Variants in PHF12 observed in about 807,000 individuals in gnomAD.
PHF12 encodes PHD finger protein 12, also known as PHD factor 1.
Under a neutral mutation model 99.8 loss-of-function variants are expected in PHF12, and 6 were observed. That is an observed-to-expected ratio of 0.06 (90% CI 0.03 to 0.12). The LOEUF is 0.12. Ranked by LOEUF, PHF12 falls within the 10% of genes least tolerant of loss-of-function variation. The pLI, the probability that PHF12 is intolerant of heterozygous loss-of-function variation, is 1.00. For synonymous variants in PHF12, 480 were observed against 514.9 expected, an observed-to-expected ratio of 0.93 and a Z score of 0.92; for missense variants, 954 against 1,300.1, an observed-to-expected ratio of 0.73 and a Z score of 4.09.
chr17:28,918,603 C>A (rs905434341), intron 6 of PHF12, among the ~76,000 whole-genome samples: 2 of 152,220 alleles, frequency 1.3e-5, no homozygotes, highest in African/African-American at 4.8e-5. Flanking sequence ...AATCCTCTCC[C>A]ATTCAATCTT....
chr17:28,947,949 TAA>T (rs1378720944), intron 2 of PHF12, among the ~76,000 whole-genome samples: 3 of 152,070 alleles, frequency 2.0e-5, no homozygotes, highest in East Asian at 3.8e-4. Flanking sequence ...CACCAACAGC[TAA>T]AGAGTCCCTC....
At chr17:28,943,772 T>G (rs979483813) in intron 2 of PHF12, among the ~76,000 whole-genome samples, 7 of 147,328 alleles carry the variant, frequency 4.8e-5, no homozygotes, top group African/African-American at 1.5e-4. Flanking sequence ...ATAAATAAAA[T>G]GTCATCCATA....
At chr17:28,914,788 A>G (rs1013161990) in intron 7 of PHF12, among the ~76,000 whole-genome samples, 2 of 152,106 alleles carry the variant, frequency 1.3e-5, no homozygotes, top group African/African-American at 4.8e-5. Flanking sequence ...TGAAACAACT[A>G]AAGACGTCTT....
At chr17:28,913,476 A>G (rs545903525) in intron 8 of PHF12, among the ~76,000 whole-genome samples, 199 bp from the exon 9 acceptor site, 1 of 152,348 alleles carries the variant, frequency 6.6e-6, no homozygotes, top group South Asian at 2.1e-4. Context: ...CAGCAGGCCA[A>G]CACTCCCTCT....
At chr17:28,937,158 T>C (rs1046799700) in intron 2 of PHF12, among the ~76,000 whole-genome samples, 1 of 152,228 alleles carries the variant, frequency 6.6e-6, no homozygotes, top group Non-Finnish European at 1.5e-5. Context: ...AAAGTTGCAT[T>C]AATACACCCA....
intron 2 of PHF12, among the ~76,000 whole-genome samples, chr17:28,941,805 C>T (rs1216388285): frequency 6.6e-6 from 1 of 152,116 alleles, no homozygotes; most frequent in African/African-American, 2.4e-5. Flanking sequence ...TGGGGTTTCA[C>T]CATGTTGGTC....
intron 2 of PHF12, among the ~76,000 whole-genome samples, chr17:28,930,295 CT>C (rs2040371556): frequency 6.6e-6 from 1 of 152,234 alleles, no homozygotes; most frequent in South Asian, 2.1e-4. Flanking sequence ...CCACAGAGCA[CT>C]TCTGCACCAC....
intron 2 of PHF12, among the ~76,000 whole-genome samples, chr17:28,946,055 G>C (rs1331368230): frequency 1.3e-5 from 2 of 152,212 alleles, no homozygotes; most frequent in East Asian, 1.9e-4. Context: ...AGAATTGCTT[G>C]AGCCCGGGAG....
intron 3 of PHF12, chr17:28,926,641 G>C (rs558263322): frequency 8.8e-5 from 49 of 558,014 alleles, no homozygotes; most frequent in Non-Finnish European, 1.2e-4. Context: ...CCTGGGGTGA[G>C]AGAAAACTCC....
chr17:28,940,856 C>T (rs909359621), intron 2 of PHF12, among the ~76,000 whole-genome samples: 29 of 152,120 alleles, frequency 1.9e-4, no homozygotes, highest in Admixed American at 3.3e-4. Context: ...ATACAATGTC[C>T]TCCTCTTTCA....
At chr17:28,943,725 G>C (rs1021581528) in intron 2 of PHF12, among the ~76,000 whole-genome samples, 27 of 152,098 alleles carry the variant, frequency 1.8e-4, no homozygotes, top group Non-Finnish European at 2.4e-4. Context: ...ACACCAAAAA[G>C]TAGAAACTAC....
Position 28,906,159 on chromosome 17 carries a change from C to T in PHF12, c.*24G>A, listed in dbSNP as rs758988216. ...CAGGAGTCTTGGGTGGGTGTACAGG[C>T]CAGTGGCGGGGTAGCCGCCAGTCCT... On this transcript the variant is annotated 3_prime_UTR_variant, in exon 15 of 15. Coordinates refer to ENST00000332830, the MANE Select transcript of PHF12 (RefSeq NM_001033561.2). This position sits in a 1 kb window ranked among gnomAD's most constrained non-coding sequence, Gnocchi z 4.2. 6.4e-7 allele frequency: 1 copy of T among 1,567,360 alleles called. No homozygotes were observed. Among genetic ancestry groups the T allele is most frequent in the African/African-American group, 1.3e-5 (1 of 74,356 alleles).
chr17:28,950,646 A>T lies in PHF12; in HGVS notation c.66+249T>A, dbSNP rs2040793587. The T allele has an allele frequency of 1.1e-5, 6 of 554,896 alleles. No individual in the cohort carries two copies. The South Asian group carries it at 1.3e-4, about 12-fold the overall frequency. The allele number at this position is 554,896 out of a possible 1,614,324, so 34.4% of individuals were successfully genotyped here. A position where few individuals can be genotyped will look rare whatever the true frequency, so the allele number is the denominator to read the frequency against. ...GGGGGTGGGGAGGCCTGCCGGTGCAACGAGATGGAGTGGGCTGGCGCCTCG... is the reference window on the plus strand; with the variant it reads ...GGGGGTGGGGAGGCCTGCCGGTGCATCGAGATGGAGTGGGCTGGCGCCTCG... On this transcript the variant is annotated intron_variant, in intron 1 of 14. Coordinates refer to ENST00000332830, the MANE Select transcript of PHF12 (RefSeq NM_001033561.2). This position sits in a 1 kb window ranked among gnomAD's most constrained non-coding sequence, Gnocchi z 5.7.
chr17:28,951,003 C>A lies in PHF12; in HGVS notation c.-43G>T. 6.2e-7 allele frequency: 1 copy of A among 1,611,616 alleles called. No individual in the cohort carries two copies. The highest frequency in any genetic ancestry group is 1.1e-5 in the South Asian group (1 of 90,768). On this transcript the variant is annotated 5_prime_UTR_variant, in exon 1 of 15. Transcript: ENST00000332830. ...TGGGTGCTCTCTGCTCCGGCCCCCCCAACCCCGGGGGGAGGGGGGAGGTGA... is the reference window on the plus strand; with the variant it reads ...TGGGTGCTCTCTGCTCCGGCCCCCCAAACCCCGGGGGGAGGGGGGAGGTGA...
chr17:28,910,155 G>A (rs779411216), intron 11 of PHF12, 71 bp downstream of exon 11: 4 of 1,601,720 alleles, frequency 2.5e-6, no homozygotes, highest in Middle Eastern at 1.7e-4. Context: ...ATTCTCCATG[G>A]AGGCAAGGTG....
chr17:28,912,009 A>G, intron 9 of PHF12: 1 of 851,662 alleles, frequency 1.2e-6, no homozygotes, highest in Non-Finnish European at 1.4e-6. Flanking sequence ...CTGCTTCCTG[A>G]CATGGAAGTT....
rs2040765134 is a variant in PHF12, at chr17:28,949,151, TTCTAGTGCCACCGCACACAATCCTCCC to T, written c.248+887_248+913del. The stretch of plus-strand genomic sequence containing the variant: ...AGCTCTCAGCTCCTTAAAAATGCCT[TTCTAGTGCCACCGCACACAATCCTCCC>T]TCTGGCAGCAAAGAATTTTGCAGCG... On this transcript the variant is annotated intron_variant, in intron 2 of 14. Transcript: ENST00000332830. The surrounding 1 kb of genome is among the most constrained non-coding windows in gnomAD (Gnocchi z 4.6). Among the ~76,000 whole-genome samples, 1 of 152,174 alleles carries T rather than the reference TTCTAGTGCCACCGCACACAATCCTCCC, an allele frequency of 6.6e-6. No homozygotes were observed. The highest frequency in any genetic ancestry group is 1.5e-5 in the Non-Finnish European group (1 of 68,032).
In PHF12 at chr17:28,950,628, G is replaced by T; in HGVS notation, c.66+267C>A. ...CAAAGGGGCCAACAAGAAGGGGGTG[G>T]GGAGGCCTGCCGGTGCAACGAGATG... is the stretch of plus-strand genomic sequence containing the variant. On this transcript the variant is annotated intron_variant, in intron 1 of 14. Coordinates refer to ENST00000332830, the MANE Select transcript of PHF12 (RefSeq NM_001033561.2). This position sits in a 1 kb window ranked among gnomAD's most constrained non-coding sequence, Gnocchi z 5.7. 1.8e-6 allele frequency: 1 copy of T among 542,996 alleles called. No individual in the cohort carries two copies. Among genetic ancestry groups the T allele is most frequent in the Non-Finnish European group, 3.2e-6 (1 of 312,986 alleles). 33.6% of individuals were successfully genotyped at this position (542,996 alleles called of 1,614,324 possible).
rs1440117303 is a variant in PHF12 at position 28,906,174 on chromosome 17, C to G, written c.*9G>C. 28 of 1,551,372 alleles carry G rather than the reference C, an allele frequency of 1.8e-5. No homozygotes were observed. The highest frequency in any genetic ancestry group is 2.7e-5 in the African/African-American group (2 of 74,174). On this transcript the variant is annotated 3_prime_UTR_variant, in exon 15 of 15. Coordinates refer to ENST00000332830, the MANE Select transcript of PHF12 (RefSeq NM_001033561.2). This position sits in a 1 kb window ranked among gnomAD's most constrained non-coding sequence, Gnocchi z 4.2. The stretch of plus-strand genomic sequence containing the variant: ...GGTGTACAGGCCAGTGGCGGGGTAG[C>G]CGCCAGTCCTAAGGAACAGAGTTGG...
Sources: gnomAD v4.1 joint callset for allele counts (sites outside exome capture counted in the v4.1 genomes callset) on GRCh38, gnomAD v4.1.1 for gene constraint, Gnocchi (gnomAD v3.1) non-coding constraint, MANE v1.5 for transcripts, NCBI Gene and HGNC (gene_info 2026-07-23, HGNC 2026-07-21) for gene names.